The following RPS29 variants were observed in gnomAD, a reference collection of about 807,000 sequenced individuals.
RPS29 encodes the protein ribosomal protein S29.
For synonymous variants in RPS29, 37 were observed against 26.9 expected, an observed-to-expected ratio of 1.37 and a Z score of -1.16; for missense variants, 60 against 75.7, an observed-to-expected ratio of 0.79 and a Z score of 0.77.
chr14:49,575,099 G>A (rs34047742), exon 3 of RPS29: 9,714 of 152,578 alleles, frequency 0.064, 392 homozygotes, highest in Middle Eastern at 0.09. Context: ...GGAGTGCAGC[G>A]GCCTGATCTC....
downstream of RPS29, among the ~76,000 whole-genome samples, chr14:49,580,984 G>A (rs1258710260): frequency 6.6e-6 from 1 of 151,990 alleles, no homozygotes; most frequent in Non-Finnish European, 1.5e-5. Flanking sequence ...TCTGGAGTTC[G>A]AGAACAGCCA....
exon 3 of RPS29, chr14:49,577,759 G>T (rs1881224912): frequency 6.3e-5 from 89 of 1,408,380 alleles, no homozygotes; most frequent in Non-Finnish European, 8.8e-5. Flanking sequence ...TCTTTTTGAT[G>T]ATCTTGGGCT....
At chr14:49,586,538 C>G, upstream of RPS29, 1 of 612,386 alleles carries the variant, frequency 1.6e-6, no homozygotes, top group Non-Finnish European at 2.9e-6. Flanking sequence ...ATGACGTCAC[C>G]ATACCACAGC....
At chr14:49,585,918 AAAC>A (rs1343486743) in intron 2 of RPS29, 29 bp downstream of exon 2, 1 of 1,561,420 alleles carries the variant, frequency 6.4e-7, no homozygotes, top group South Asian at 1.1e-5. Context: ...TTCTCTGCCC[AAAC>A]AACATGGAGT....
At chr14:49,592,856 C>T (rs929527440) in intron 1 of RPS29, among the ~76,000 whole-genome samples, 2 of 151,276 alleles carry the variant, frequency 1.3e-5, no homozygotes, top group African/African-American at 2.4e-5. Context: ...TGCAGTGAGC[C>T]GAGATTGCGC....
chr14:49,586,804 C>CT (rs1326254685), upstream of RPS29: 1 of 211,718 alleles, frequency 4.7e-6, no homozygotes, highest in Non-Finnish European at 1.0e-5. Flanking sequence ...AACTCCCGTG[C>CT]TGATCAGTAG....
At chr14:49,591,658 T>C (rs1881713966) in intron 1 of RPS29, among the ~76,000 whole-genome samples, 1 of 143,052 alleles carries the variant, frequency 7.0e-6, no homozygotes, top group Non-Finnish European at 1.5e-5. Context: ...TCTTGCTCTG[T>C]CAGCCAGGAT....
At chr14:49,576,879 G>C (rs1289273113) in exon 3 of RPS29, 2 of 152,214 alleles carry the variant, frequency 1.3e-5, no homozygotes, top group African/African-American at 4.8e-5. Context: ...CCATAATTGT[G>C]AGGCATCCCC....
intron 1 of RPS29, among the ~76,000 whole-genome samples, chr14:49,597,324 T>C (rs146797432): frequency 5.9e-5 from 9 of 152,146 alleles, no homozygotes; most frequent in Admixed American, 2.6e-4. Context: ...TCCCAAATTG[T>C]TGGGCTTACA....
At chr14:49,577,694 C>A in exon 3 of RPS29, 2 of 832,962 alleles carry the variant, frequency 2.4e-6, no homozygotes, top group Admixed American at 1.8e-5. Context: ...GTGTTTCCAC[C>A]AGTTACCCTT....
chr14:49,580,658 G>C (rs1881307920), downstream of RPS29, among the ~76,000 whole-genome samples: 1 of 152,070 alleles, frequency 6.6e-6, no homozygotes, highest in Non-Finnish European at 1.5e-5. Context: ...GATCACCTGA[G>C]GTCAGGAGTT....
At chr14:49,580,420 C>A (rs1192922371), downstream of RPS29, among the ~76,000 whole-genome samples, 1 of 152,184 alleles carries the variant, frequency 6.6e-6, no homozygotes, top group Non-Finnish European at 1.5e-5. Context: ...TAGACACTTC[C>A]CCAACACCAA....
chr14:49,591,619 ATTTTTT>A (rs35067386), intron 1 of RPS29, among the ~76,000 whole-genome samples: 1 of 117,076 alleles, frequency 8.5e-6, no homozygotes, highest in Non-Finnish European at 1.8e-5. Flanking sequence ...GCCCAATTTG[ATTTTTT>A]TTTTTTTTTT....
At chr14:49,574,208 G>A (rs926805566) in exon 3 of RPS29, 1 of 152,178 alleles carries the variant, frequency 6.6e-6, no homozygotes, top group African/African-American at 2.4e-5. Context: ...AATGCTTGAT[G>A]TTTGGCAATG....
At chr14:49,585,786 T>C (rs775023566) in intron 2 of RPS29, 164 bp downstream of exon 2, 2 of 607,940 alleles carry the variant, frequency 3.3e-6, no homozygotes, top group Non-Finnish European at 5.9e-6. Context: ...GCCCAAACCA[T>C]CAACACTGTC....
At chr14:49,586,164 G>A in intron 1 of RPS29, 115 bp from the exon 2 acceptor site, 1 of 1,383,590 alleles carries the variant, frequency 7.2e-7, no homozygotes, top group Non-Finnish European at 1.0e-6. Flanking sequence ...CTGTAATGGC[G>A]GCACCAGCGA....
At chr14:49,577,936 C>T in intron 2 of RPS29, 1 of 923,014 alleles carries the variant, frequency 1.1e-6, no homozygotes, top group Non-Finnish European at 1.7e-6. Flanking sequence ...TGCATGCCTG[C>T]CCTGTGAAAC....
chr14:49,584,222 T>A (rs1047188722), intron 2 of RPS29, among the ~76,000 whole-genome samples: 1 of 152,194 alleles, frequency 6.6e-6, no homozygotes, highest in South Asian at 2.1e-4. Flanking sequence ...AATCTGCCCA[T>A]CTTGTCGGCC....
chr14:49,597,136 ACTC>A (rs1881848227), intron 1 of RPS29, among the ~76,000 whole-genome samples: 2 of 150,974 alleles, frequency 1.3e-5, no homozygotes. Context: ...CTGGTCTCCA[ACTC>A]CCGACCTCAG....
Sources: gnomAD v4.1 joint callset for allele counts (sites outside exome capture counted in the v4.1 genomes callset) on GRCh38, gnomAD v4.1.1 for gene constraint, MANE v1.5 for transcripts, NCBI Gene and HGNC (gene_info 2026-07-23, HGNC 2026-07-21) for gene names.